NFAT5: variants seen among roughly 807,000 people sequenced by gnomAD.
NFAT5 encodes nuclear factor of activated T cells 5.
NFAT5 carries 31 observed loss-of-function variants against 166.5 expected under a neutral mutation model. The ratio of observed to expected loss-of-function variants is 0.19; its 90% CI spans 0.14 to 0.25. The LOEUF (loss-of-function observed/expected upper bound fraction) is 0.25. NFAT5 is among the 10% of genes least tolerant of loss of function. NFAT5 has a pLI of 1.00. For missense variants in NFAT5, 1,449 were observed against 1,821.8 expected (o/e 0.80, Z 3.72); for synonymous variants, 612 against 639.7 (o/e 0.96, Z 0.65).
At chr16:69,587,337 A>T (rs1226507240) in intron 2 of NFAT5, among the ~76,000 whole-genome samples, 2 of 148,006 alleles carry the variant, frequency 1.4e-5, no homozygotes, top group Admixed American at 1.4e-4. Context: ...CGGCCTCCCA[A>T]GGTGCTAGGA....
At chr16:69,621,085 A>G (rs2034174780) in intron 2 of NFAT5, among the ~76,000 whole-genome samples, 1 of 152,178 alleles carries the variant, frequency 6.6e-6, no homozygotes, top group African/African-American at 2.4e-5. Context: ...CTGATCCTCT[A>G]GTAGAAGAGC....
intron 3 of NFAT5, among the ~76,000 whole-genome samples, chr16:69,631,085 T>A (rs1008382301): frequency 6.6e-6 from 1 of 152,228 alleles, no homozygotes; most frequent in Non-Finnish European, 1.5e-5. Flanking sequence ...TTTTTCTAAG[T>A]GGACTGTTTG....
At chr16:69,652,854 A>C (rs937642216) in intron 4 of NFAT5, among the ~76,000 whole-genome samples, 1 of 152,140 alleles carries the variant, frequency 6.6e-6, no homozygotes, top group African/African-American at 2.4e-5. Context: ...TGTGGAATGC[A>C]TACATGGAAT....
At chr16:69,652,926 T>C (rs1180088563) in intron 4 of NFAT5, among the ~76,000 whole-genome samples, 1 of 152,180 alleles carries the variant, frequency 6.6e-6, no homozygotes, top group Admixed American at 6.5e-5. Flanking sequence ...AGCTATTCTT[T>C]CCTGTTAGTC....
chr16:69,586,231 C>G (rs968029321), intron 2 of NFAT5, among the ~76,000 whole-genome samples: 1 of 152,056 alleles, frequency 6.6e-6, no homozygotes, highest in African/African-American at 2.4e-5. Flanking sequence ...TTCTGACTTT[C>G]TATGTGGGAC....
chr16:69,691,274 T>C (rs931467635), intron 12 of NFAT5, among the ~76,000 whole-genome samples, 186 bp downstream of exon 12: 7 of 152,188 alleles, frequency 4.6e-5, no homozygotes, highest in Admixed American at 6.5e-5. Context: ...GGAATTAATA[T>C]GTTGTATGAG....
chr16:69,625,523 A>G (rs1354244117), intron 2 of NFAT5, among the ~76,000 whole-genome samples: 3 of 150,156 alleles, frequency 2.0e-5, no homozygotes, highest in East Asian at 3.9e-4. Context: ...TGCTTGAGCC[A>G]TAACATTCCT....
intron 9 of NFAT5, among the ~76,000 whole-genome samples, chr16:69,676,562 A>C (rs944455337): frequency 6.6e-5 from 10 of 152,242 alleles, no homozygotes; most frequent in African/African-American, 2.4e-4. Context: ...ACCTTATGTA[A>C]GGTACTATTC....
intron 2 of NFAT5, among the ~76,000 whole-genome samples, chr16:69,594,710 TTAATAA>T (rs2032686315): frequency 6.6e-6 from 1 of 152,148 alleles, no homozygotes; most frequent in African/African-American, 2.4e-5. Context: ...CAGTAGGAGA[TTAATAA>T]TAATAACTAT....
chr16:69,598,650 A>G (rs1229800697), intron 2 of NFAT5, among the ~76,000 whole-genome samples: 3 of 152,148 alleles, frequency 2.0e-5, no homozygotes, highest in African/African-American at 7.2e-5. Flanking sequence ...GGGGCTACAA[A>G]AAGTAAAGAA....
chr16:69,648,176 CAA>C (rs758046361), intron 4 of NFAT5: 163 of 706,138 alleles, frequency 2.3e-4, no homozygotes, highest in East Asian at 3.5e-4. Context: ...AACTCCATCT[CAA>C]AAAAAAAAAA....
intron 11 of NFAT5, among the ~76,000 whole-genome samples, chr16:69,687,019 A>G (rs940723751): frequency 1.3e-5 from 2 of 152,234 alleles, no homozygotes; most frequent in Non-Finnish European, 1.5e-5. Flanking sequence ...ATTTTCATTT[A>G]TAATGTACTA....
intron 9 of NFAT5, among the ~76,000 whole-genome samples, chr16:69,675,105 A>C (rs1272955983): frequency 6.6e-6 from 1 of 152,218 alleles, no homozygotes; most frequent in Non-Finnish European, 1.5e-5. Context: ...GGAAGTTTGA[A>C]GAATTAGTAG....
chr16:69,614,250 G>A (rs1480901335), intron 2 of NFAT5, among the ~76,000 whole-genome samples: 1 of 151,734 alleles, frequency 6.6e-6, no homozygotes, highest in African/African-American at 2.4e-5. Flanking sequence ...TGACATCCTG[G>A]GATCAAGCAG....
chr16:69,567,979 G>C (rs2016173396), intron 1 of NFAT5, among the ~76,000 whole-genome samples: 1 of 152,072 alleles, frequency 6.6e-6, no homozygotes, highest in African/African-American at 2.4e-5. Flanking sequence ...CCTCTTTTGC[G>C]GGGAATATAT....
rs997204648 is a variant in NFAT5, at chr16:69,700,949, C to A, written c.*4598C>A. On this transcript the variant is annotated 3_prime_UTR_variant, in exon 15 of 15. Coordinates refer to ENST00000349945, the MANE Select transcript of NFAT5 (RefSeq NM_138713.4). ...AGGTCCCAGTGCTCTAGTTACTTTACTTCTTTTTTTTTTTTTGAGATGGAG... is the reference window on the plus strand; with the variant it reads ...AGGTCCCAGTGCTCTAGTTACTTTAATTCTTTTTTTTTTTTTGAGATGGAG... 4.3e-5 allele frequency: 6 copies of A among 140,048 alleles called. No individual in the cohort carries two copies. The highest frequency in any genetic ancestry group is 1.6e-4 in the African/African-American group (6 of 37,124). The allele number at this position is 140,048 out of a possible 1,614,324, so 8.7% of individuals were successfully genotyped here.
chr16:69,658,551 T>A (rs2035990355), intron 6 of NFAT5, among the ~76,000 whole-genome samples: 2 of 151,416 alleles, frequency 1.3e-5, no homozygotes, highest in African/African-American at 4.9e-5. Context: ...AAAAACTAAC[T>A]TGTGGCCTGG....
At chr16:69,629,963 G>T (rs1247840593) in intron 3 of NFAT5, among the ~76,000 whole-genome samples, 1 of 149,102 alleles carries the variant, frequency 6.7e-6, no homozygotes, top group Non-Finnish European at 1.5e-5. Context: ...TTTAAACAGA[G>T]TCTCACTCTG....
rs547330708 is a variant in NFAT5 at position 69,625,466 on chromosome 16, C to T, written c.128-937C>T. Among the ~76,000 whole-genome samples, 33 of 151,578 alleles carry T rather than the reference C, an allele frequency of 2.2e-4. 2 individuals carry two copies. In the South Asian group the frequency reaches 6.9e-3, roughly 32 times the overall value. ...CAGTCTGATTTAAGAGTTTCCTTTA[C>T]CTTTGCCTTTCCAGGGTTGGAGATG... On this transcript the variant is annotated intron_variant, in intron 2 of 14. Coordinates refer to ENST00000349945, the MANE Select transcript of NFAT5 (RefSeq NM_138713.4).
Sources: allele counts gnomAD v4.1 joint callset (sites outside exome capture counted in the v4.1 genomes callset), GRCh38; gene constraint gnomAD v4.1.1; transcripts MANE v1.5; gene names NCBI Gene and HGNC (gene_info 2026-07-23, HGNC 2026-07-21).